PLPPR1: variants seen among roughly 807,000 people sequenced by gnomAD.
The protein encoded by PLPPR1 is phospholipid phosphatase-related protein type 1.
A neutral mutation model predicts 33.1 loss-of-function variants in PLPPR1; 10 were observed. The observed-to-expected ratio is 0.30, with a 90% CI of 0.19 to 0.51. The LOEUF (loss-of-function observed/expected upper bound fraction) is 0.51, where lower values mean the gene tolerates loss of function less well. PLPPR1 is among the 20% of genes least tolerant of loss of function. The pLI is 0.97. For synonymous variants in PLPPR1, 151 were observed against 151.0 expected, an observed-to-expected ratio of 1.00 and a Z score of 0.00; for missense variants, 304 against 408.1, an observed-to-expected ratio of 0.74 and a Z score of 2.20.
intron 2 of PLPPR1, among the ~76,000 whole-genome samples, chr9:101,216,063 CA>C (rs1297761073): frequency 2.0e-5 from 3 of 152,148 alleles, no homozygotes; most frequent in African/African-American, 4.8e-5. Context: ...GAGGAACCTC[CA>C]TACTGTTTTC....
At chr9:101,142,130 A>T (rs1316336652) in intron 1 of PLPPR1, among the ~76,000 whole-genome samples, 1 of 152,182 alleles carries the variant, frequency 6.6e-6, no homozygotes, top group Non-Finnish European at 1.5e-5. Flanking sequence ...AGAATATCTC[A>T]TTAGACTTTA....
At chr9:101,223,723 C>T (rs144999073) in intron 2 of PLPPR1, among the ~76,000 whole-genome samples, 8 of 152,170 alleles carry the variant, frequency 5.3e-5, no homozygotes, top group Non-Finnish European at 1.0e-4. Context: ...GTGCCTTCTG[C>T]CATGATTTTA....
At chr9:101,079,489 A>G (rs1290917211) in intron 1 of PLPPR1, among the ~76,000 whole-genome samples, 4 of 151,994 alleles carry the variant, frequency 2.6e-5, no homozygotes, top group Admixed American at 6.6e-5. Context: ...ATGCTAAATA[A>G]TAATAGTTGG....
intron 1 of PLPPR1, among the ~76,000 whole-genome samples, chr9:101,140,828 AG>A (rs2118631275): frequency 6.6e-6 from 1 of 152,258 alleles, no homozygotes; most frequent in African/African-American, 2.4e-5. Context: ...TGTCTAGTCT[AG>A]TAGGAAGGAC....
chr9:101,170,241 A>C (rs745885846), intron 1 of PLPPR1, among the ~76,000 whole-genome samples: 1 of 152,190 alleles, frequency 6.6e-6, no homozygotes, highest in Non-Finnish European at 1.5e-5. Flanking sequence ...TACTATATTA[A>C]TCTGTTCTCA....
At chr9:101,299,368 G>C (rs796138497) in intron 4 of PLPPR1, among the ~76,000 whole-genome samples, 1 of 152,194 alleles carries the variant, frequency 6.6e-6, no homozygotes, top group Non-Finnish European at 1.5e-5. Context: ...AGGGGAGGAA[G>C]GATGCTGAAG....
chr9:101,050,875 C>T (rs1470370734), intron 1 of PLPPR1, among the ~76,000 whole-genome samples: 1 of 152,182 alleles, frequency 6.6e-6, no homozygotes, highest in African/African-American at 2.4e-5. Flanking sequence ...AGCCTTTCAT[C>T]TCATTGCCTC....
intron 2 of PLPPR1, among the ~76,000 whole-genome samples, chr9:101,243,603 A>AG (rs1231901689): frequency 6.6e-6 from 1 of 151,634 alleles, no homozygotes; most frequent in African/African-American, 2.4e-5. Context: ...AGGAGCCTTC[A>AG]GGAGGTGGAG....
intron 1 of PLPPR1, among the ~76,000 whole-genome samples, chr9:101,037,118 C>T (rs909953378): frequency 1.3e-5 from 2 of 152,134 alleles, no homozygotes; most frequent in African/African-American, 4.8e-5. Flanking sequence ...GATGGGAAGT[C>T]AGCAGTCAGC....
chr9:101,243,057 T>G lies in PLPPR1; in HGVS notation c.64-26823T>G, dbSNP rs181800342. Among the ~76,000 whole-genome samples, 239 of 152,116 alleles carry G rather than the reference T, an allele frequency of 1.6e-3. 1 individual carries two copies. The highest frequency in any genetic ancestry group is 5.5e-3 in the African/African-American group (227 of 41,520). ...GCAAAGAAATGAAAGAAAGAATAAT[T>G]GTAGCAGAAGGAAAAGCATATTAAT... On this transcript the variant is annotated intron_variant, in intron 2 of 7. Transcript: ENST00000374874.
At chr9:101,213,736 G>A (rs1826729575) in intron 2 of PLPPR1, among the ~76,000 whole-genome samples, 1 of 151,998 alleles carries the variant, frequency 6.6e-6, no homozygotes, top group Non-Finnish European at 1.5e-5. Context: ...AGATTCTAAA[G>A]CTGATGTTTG....
chr9:101,209,564 T>C (rs1826652307), intron 2 of PLPPR1, among the ~76,000 whole-genome samples: 2 of 152,208 alleles, frequency 1.3e-5, no homozygotes, highest in African/African-American at 4.8e-5. Context: ...TGTTTATTCA[T>C]TAGAAAGATA....
chr9:101,313,941 C>A (rs1400160265), intron 6 of PLPPR1, among the ~76,000 whole-genome samples: 1 of 152,176 alleles, frequency 6.6e-6, no homozygotes, highest in African/African-American at 2.4e-5. Flanking sequence ...TTTCACCTAG[C>A]ATAATTATTT....
At chr9:101,203,391 C>G (rs1041821484) in intron 2 of PLPPR1, among the ~76,000 whole-genome samples, 1 of 152,100 alleles carries the variant, frequency 6.6e-6, no homozygotes. Flanking sequence ...CCTTTGGAAA[C>G]AGTGCTGGGC....
chr9:101,140,455 A>G (rs1166251150), intron 1 of PLPPR1, among the ~76,000 whole-genome samples: 2 of 152,168 alleles, frequency 1.3e-5, no homozygotes, highest in Non-Finnish European at 2.9e-5. Context: ...AATGTTCTTC[A>G]TATCTTTACA....
chr9:101,039,717 A>C (rs1227042507), intron 1 of PLPPR1, among the ~76,000 whole-genome samples: 1 of 152,110 alleles, frequency 6.6e-6, no homozygotes, highest in African/African-American at 2.4e-5. Context: ...TGGCAGGAAA[A>C]GAGAGCTTAT....
chr9:101,096,089 G>A (rs755745976), intron 1 of PLPPR1, among the ~76,000 whole-genome samples: 1 of 152,040 alleles, frequency 6.6e-6, no homozygotes, highest in Admixed American at 6.6e-5. Context: ...AGTAGATGAG[G>A]GTATTTGAGT....
intron 4 of PLPPR1, among the ~76,000 whole-genome samples, chr9:101,308,487 G>GGATA (rs896348075): frequency 1.3e-5 from 2 of 152,160 alleles, no homozygotes. Context: ...AGTCTGAAGG[G>GGATA]GATACATTTG....
chr9:101,167,141 G>GGTGTGTGTGTGTGTGTGTGT (rs756843224), intron 1 of PLPPR1, among the ~76,000 whole-genome samples: 4,101 of 39,690 alleles, frequency 0.1, 681 homozygotes, highest in Non-Finnish European at 0.13. Flanking sequence ...TATGTCTCTC[G>GGTGTGTGTGTGTGTGTGTGT]GTGTGTGTGT....
Sources: allele counts gnomAD v4.1 joint callset (sites outside exome capture counted in the v4.1 genomes callset), GRCh38; gene constraint gnomAD v4.1.1; transcripts MANE v1.5; gene names NCBI Gene and HGNC (gene_info 2026-07-23, HGNC 2026-07-21).